ZPBP: variants seen among roughly 807,000 people sequenced by gnomAD.
ZPBP encodes the protein zona pellucida binding protein, also known as zona pellucida-binding protein 1.
ZPBP carries 26 observed loss-of-function variants against 44.8 expected under a neutral mutation model. The ratio of observed to expected loss-of-function variants is 0.58; its 90% CI spans 0.43 to 0.81. The LOEUF is 0.81. Among genes scored for constraint, ZPBP ranks in the 30% least tolerant of loss-of-function variants. ZPBP has a pLI of 0.00. For missense variants in ZPBP, 409 were observed against 434.0 expected (o/e 0.94, Z 0.51); for synonymous variants, 174 against 153.2 (o/e 1.14, Z -1.00).
chr7:50,054,506 G>A (rs1380741670), intron 4 of ZPBP, among the ~76,000 whole-genome samples: 3 of 152,058 alleles, frequency 2.0e-5, no homozygotes, highest in Non-Finnish European at 2.9e-5. Flanking sequence ...TTAAAGCAAT[G>A]AGTCACCATT....
chr7:49,964,661 T>C (rs1368818251), intron 7 of ZPBP, among the ~76,000 whole-genome samples: 2 of 152,028 alleles, frequency 1.3e-5, no homozygotes, highest in Non-Finnish European at 1.5e-5. Context: ...TTATTGAAAA[T>C]GGATATTGAC....
At chr7:50,041,583 C>A (rs775373622) in intron 4 of ZPBP, among the ~76,000 whole-genome samples, 3 of 152,172 alleles carry the variant, frequency 2.0e-5, no homozygotes, top group South Asian at 4.2e-4. Context: ...AGAAGGAAAA[C>A]TAACAAACAG....
chr7:49,975,415 A>T (rs1311955887), intron 7 of ZPBP, among the ~76,000 whole-genome samples: 3 of 152,102 alleles, frequency 2.0e-5, no homozygotes, highest in Non-Finnish European at 4.4e-5. Flanking sequence ...TGGAGGGTCA[A>T]GGAGCTCTTC....
chr7:50,090,647 GCACA>G (rs910256016), intron 1 of ZPBP, among the ~76,000 whole-genome samples: 69 of 6,816 alleles, frequency 0.01, no homozygotes, highest in South Asian at 0.047. Context: ...ACACACACAT[GCACA>G]CACACACACA....
chr7:49,881,762 C>T (rs1016153942), intron 2 of ZPBP, among the ~76,000 whole-genome samples: 3 of 152,030 alleles, frequency 2.0e-5, no homozygotes, highest in African/African-American at 7.2e-5. Context: ...TTTAATTCAT[C>T]TCTTTTAAAA....
At chr7:50,088,687 T>G (rs1405318176) in intron 2 of ZPBP, among the ~76,000 whole-genome samples, 1 of 151,848 alleles carries the variant, frequency 6.6e-6, no homozygotes, top group East Asian at 1.9e-4. Flanking sequence ...ATTAGGGAAA[T>G]GCAAATCAAA....
At chr7:49,954,155 C>G (rs368743064) in intron 7 of ZPBP, among the ~76,000 whole-genome samples, 6 of 152,202 alleles carry the variant, frequency 3.9e-5, no homozygotes, top group South Asian at 4.1e-4. Flanking sequence ...CCATGACCAG[C>G]TCATTATTTA....
chr7:50,029,303 T>C (rs564931600), intron 5 of ZPBP, among the ~76,000 whole-genome samples: 3 of 152,132 alleles, frequency 2.0e-5, no homozygotes, highest in Non-Finnish European at 2.9e-5. Flanking sequence ...AAGTATAAGG[T>C]TGAACCCATA....
rs560018500 is a variant in ZPBP at position 49,983,696 on chromosome 7, C to T, written c.784-177G>A. On this transcript the variant is annotated intron_variant, in intron 6 of 7. Coordinates refer to ENST00000046087, the MANE Select transcript of ZPBP (RefSeq NM_007009.3). ...AAACTGAAAAGATGTCATCTATAAA[C>T]ATCAAATATTTCTAAATGCACTTCC... Among the ~76,000 whole-genome samples the T allele has an allele frequency of 4.6e-5, 7 of 152,150 alleles. 1 individual carries two copies. Among genetic ancestry groups the T allele is most frequent in the African/African-American group, 1.2e-4 (5 of 41,530 alleles).
At chr7:49,873,275 C>G (rs983114944) in intron 2 of ZPBP, among the ~76,000 whole-genome samples, 2 of 152,088 alleles carry the variant, frequency 1.3e-5, no homozygotes, top group African/African-American at 4.8e-5. Flanking sequence ...TATCAAGAGG[C>G]CTGCAGATTC....
rs560006456 is a variant in ZPBP, at chr7:50,010,366, A to G, written c.783+7874T>C. On this transcript the variant is annotated intron_variant, in intron 6 of 7. Transcript: ENST00000046087. The stretch of plus-strand genomic sequence containing the variant: ...TGAAGATACAAAAGCTACTTAATGG[A>G]GAAAAGATGGCATTTGAACAAATGA... Among the ~76,000 whole-genome samples, 115 of 152,286 alleles carry G rather than the reference A, an allele frequency of 7.6e-4. 3 individuals carry two copies. In the South Asian group the frequency reaches 0.024, roughly 31 times the overall value.
At chr7:49,960,611 C>G (rs150324181) in intron 7 of ZPBP, among the ~76,000 whole-genome samples, 4 of 152,178 alleles carry the variant, frequency 2.6e-5, no homozygotes, top group African/African-American at 9.6e-5. Flanking sequence ...CAGCAAAGGA[C>G]TTTTGTCCAT....
intron 2 of ZPBP, among the ~76,000 whole-genome samples, chr7:49,856,827 G>A (rs1480137333): frequency 1.3e-5 from 2 of 151,842 alleles, no homozygotes; most frequent in African/African-American, 4.8e-5. Context: ...GGCTAACACG[G>A]TGAAACCCCA....
chr7:50,024,147 G>A (rs527631824), intron 5 of ZPBP, among the ~76,000 whole-genome samples: 189 of 152,064 alleles, frequency 1.2e-3, no homozygotes, highest in Non-Finnish European at 2.4e-3. Context: ...TTGTCAAAAA[G>A]ATGATAGATA....
chr7:50,008,196 C>T (rs1284233593), intron 6 of ZPBP, among the ~76,000 whole-genome samples: 10 of 151,988 alleles, frequency 6.6e-5, no homozygotes, highest in Admixed American at 6.6e-4. Flanking sequence ...AGTAAATCAA[C>T]ATGCAAATAT....
chr7:49,847,010 C>CT (rs2128715090), downstream of ZPBP, among the ~76,000 whole-genome samples: 2 of 152,292 alleles, frequency 1.3e-5, no homozygotes, highest in African/African-American at 4.8e-5. Flanking sequence ...GAATTTAACT[C>CT]TAACTTGCAG....
At chr7:49,980,931 A>T (rs993241163) in intron 7 of ZPBP, among the ~76,000 whole-genome samples, 1 of 151,786 alleles carries the variant, frequency 6.6e-6, no homozygotes, top group East Asian at 1.9e-4. Context: ...TTTTCATAAA[A>T]TAGACTACTG....
At chr7:49,855,651 C>A (rs1790386662) in intron 2 of ZPBP, among the ~76,000 whole-genome samples, 1 of 152,120 alleles carries the variant, frequency 6.6e-6, no homozygotes, top group Non-Finnish European at 1.5e-5. Flanking sequence ...GGCAGTTCTC[C>A]AAAATAATTT....
At chr7:49,962,020 G>GAAAACC (rs1795880326) in intron 7 of ZPBP, among the ~76,000 whole-genome samples, 1 of 151,872 alleles carries the variant, frequency 6.6e-6, no homozygotes, top group Non-Finnish European at 1.5e-5. Flanking sequence ...ACTTTCCCAT[G>GAAAACC]AAAACCAAAA....
Sources: allele counts gnomAD v4.1 joint callset (sites outside exome capture counted in the v4.1 genomes callset), GRCh38; gene constraint gnomAD v4.1.1; transcripts MANE v1.5; gene names NCBI Gene and HGNC (gene_info 2026-07-23, HGNC 2026-07-21).